The following CTNNBL1 variants were observed in gnomAD, a reference collection of about 807,000 sequenced individuals.
CTNNBL1 encodes beta-catenin-like protein 1.
CTNNBL1 carries 31 observed loss-of-function variants against 72.7 expected under a neutral mutation model. The ratio of observed to expected loss-of-function variants is 0.43; its 90% CI spans 0.32 to 0.58. The LOEUF (loss-of-function observed/expected upper bound fraction) is 0.58. CTNNBL1 is among the 20% of genes least tolerant of loss of function. CTNNBL1 has a pLI of 0.08. For missense variants in CTNNBL1, 534 were observed against 725.1 expected (o/e 0.74, Z 3.03); for synonymous variants, 240 against 267.3 (o/e 0.90, Z 1.00).
intron 3 of CTNNBL1, among the ~76,000 whole-genome samples, chr20:37,746,035 G>T (rs1385781453): frequency 6.6e-6 from 1 of 152,162 alleles, no homozygotes; most frequent in Non-Finnish European, 1.5e-5. Flanking sequence ...TATCTTCTTT[G>T]GTAAGGGGAA....
intron 11 of CTNNBL1, among the ~76,000 whole-genome samples, chr20:37,821,652 C>G (rs1271377554): frequency 6.6e-6 from 1 of 152,176 alleles, no homozygotes; most frequent in Non-Finnish European, 1.5e-5. Flanking sequence ...AGGCATTTTC[C>G]TAGCTGGAAT....
chr20:37,753,049 T>C (rs546918526), intron 4 of CTNNBL1, among the ~76,000 whole-genome samples: 10 of 152,240 alleles, frequency 6.6e-5, no homozygotes, highest in Non-Finnish European at 1.3e-4. Context: ...CTCATCAAGA[T>C]TGAGAGTTTG....
rs750066223 is a variant in CTNNBL1 at position 37,860,349 on chromosome 20, G to A, written c.1603+5G>A. ...TTGTCAGGCATATCATCAAGGGTGA[G>A]TTGGATGCTACTCATGTCTGGGGCT... On this transcript the variant is annotated splice_donor_5th_base_variant and intron_variant, in intron 15 of 15. Coordinates refer to ENST00000361383, the MANE Select transcript of CTNNBL1 (RefSeq NM_030877.5). 8 of 1,607,826 alleles carry A rather than the reference G, an allele frequency of 5.0e-6. No individual in the cohort carries two copies. Among genetic ancestry groups the A allele is most frequent in the Non-Finnish European group, 6.8e-6 (8 of 1,174,212 alleles).
chr20:37,773,278 C>T, intron 7 of CTNNBL1, among the ~76,000 whole-genome samples: 1 of 152,292 alleles, frequency 6.6e-6, no homozygotes, highest in African/African-American at 2.4e-5. Flanking sequence ...GAACCTGCCC[C>T]ATGTGTTCCA....
At chr20:37,748,523 G>A (rs1022104396) in intron 4 of CTNNBL1, among the ~76,000 whole-genome samples, 3 of 152,218 alleles carry the variant, frequency 2.0e-5, no homozygotes, top group African/African-American at 7.2e-5. Flanking sequence ...GGAACCATAA[G>A]CTGTGCTGGT....
In CTNNBL1 at chr20:37,694,094, G is replaced by C. The variant is rs1207867575; in HGVS notation, c.-29G>C. ...CCCGCGGTCTGGGCGTGAGTGCAGG[G>C]AAGTGGAGTATTTGCTGGGCCGGGT... On this transcript the variant is annotated 5_prime_UTR_variant, in exon 1 of 16. Transcript: ENST00000361383. The C allele has an allele frequency of 6.2e-7, 1 of 1,603,506 alleles. No individual in the cohort carries two copies. The highest frequency in any genetic ancestry group is 1.3e-5 in the African/African-American group (1 of 74,252).
chr20:37,761,885 C>T (rs1271796384), intron 5 of CTNNBL1, among the ~76,000 whole-genome samples: 1 of 152,204 alleles, frequency 6.6e-6, no homozygotes, highest in Non-Finnish European at 1.5e-5. Flanking sequence ...TAAGGCAAGA[C>T]TGAGGTTGAC....
intron 1 of CTNNBL1, among the ~76,000 whole-genome samples, chr20:37,707,349 C>T (rs544103240): frequency 1.3e-3 from 199 of 152,328 alleles, no homozygotes; most frequent in African/African-American, 4.5e-3. Context: ...GTGTAGCCAC[C>T]TTCATCAATG....
intron 13 of CTNNBL1, among the ~76,000 whole-genome samples, chr20:37,846,328 C>G (rs8125986): frequency 0.027 from 4,172 of 152,164 alleles, 209 homozygotes; most frequent in African/African-American, 0.096. Context: ...AGGGTACCTT[C>G]CACGAGTGGA....
At position 37,871,826 on chromosome 20, in the gene CTNNBL1, C is replaced by T; in HGVS notation, c.1604-99C>T. On this transcript the variant is annotated intron_variant, in intron 15 of 15. Transcript: ENST00000361383. ...GTGGGGGCATTAGGGCGACTTGCACCTCTGTGGGAGCTGGGGTTCTGGGAA... is the reference window on the plus strand; with the variant it reads ...GTGGGGGCATTAGGGCGACTTGCACTTCTGTGGGAGCTGGGGTTCTGGGAA... 5.6e-6 allele frequency: 6 copies of T among 1,071,152 alleles called. No homozygotes were observed. The South Asian group carries it at 7.8e-5, about 14-fold the overall frequency. 66.4% of individuals were successfully genotyped at this position (1,071,152 alleles called of 1,614,324 possible). A position where few individuals can be genotyped will look rare whatever the true frequency, so the allele number is the denominator to read the frequency against.
chr20:37,835,835 G>A (rs991074656), intron 11 of CTNNBL1, among the ~76,000 whole-genome samples: 1 of 152,190 alleles, frequency 6.6e-6, no homozygotes, highest in Non-Finnish European at 1.5e-5. Context: ...TTTAAAAAAT[G>A]AAGTGTGGGT....
chr20:37,849,860 A>T (rs2072380371), intron 13 of CTNNBL1, among the ~76,000 whole-genome samples: 1 of 152,254 alleles, frequency 6.6e-6, no homozygotes, highest in Non-Finnish European at 1.5e-5. Context: ...CAGTTTCTTC[A>T]TCAGTGAAAG....
intron 13 of CTNNBL1, among the ~76,000 whole-genome samples, chr20:37,852,315 C>T (rs1240284363): frequency 6.6e-6 from 1 of 152,186 alleles, no homozygotes; most frequent in African/African-American, 2.4e-5. Context: ...ATCATATTCC[C>T]ATTTGAAGCG....
intron 1 of CTNNBL1, among the ~76,000 whole-genome samples, chr20:37,726,837 A>T (rs540877240): frequency 1.3e-5 from 2 of 152,282 alleles, no homozygotes; most frequent in Admixed American, 1.3e-4. Flanking sequence ...ACACTTTTAT[A>T]TTCTGATACA....
intron 5 of CTNNBL1, among the ~76,000 whole-genome samples, chr20:37,761,059 G>T (rs1179420828): frequency 6.6e-6 from 1 of 152,032 alleles, no homozygotes; most frequent in African/African-American, 2.4e-5. Context: ...TATGAGAGGG[G>T]CAGTGTTCTG....
At chr20:37,694,720 CAGG>C (rs1333744545) in intron 1 of CTNNBL1, among the ~76,000 whole-genome samples, 4 of 152,194 alleles carry the variant, frequency 2.6e-5, no homozygotes, top group African/African-American at 7.2e-5. Flanking sequence ...CTGCGATTTG[CAGG>C]AGATGTTGGG....
At chr20:37,780,557 G>A (rs2073617257) in intron 10 of CTNNBL1, among the ~76,000 whole-genome samples, 1 of 152,112 alleles carries the variant, frequency 6.6e-6, no homozygotes, top group African/African-American at 2.4e-5. Context: ...TTCCCATGCT[G>A]TGAATAATCT....
intron 1 of CTNNBL1, among the ~76,000 whole-genome samples, chr20:37,731,481 C>T (rs1161334221): frequency 4.6e-5 from 7 of 152,158 alleles, no homozygotes; most frequent in East Asian, 3.9e-4. Context: ...GTGATCTGCC[C>T]GCCTCAGCCT....
intron 3 of CTNNBL1, 151 bp downstream of exon 3, chr20:37,737,635 G>T (rs1002404514): frequency 1.5e-5 from 9 of 594,062 alleles, no homozygotes; most frequent in Non-Finnish European, 2.7e-5. Context: ...GGACTCCCAG[G>T]ACTCAAAGTC....
Sources: allele counts gnomAD v4.1 joint callset (sites outside exome capture counted in the v4.1 genomes callset), GRCh38; gene constraint gnomAD v4.1.1; transcripts MANE v1.5; gene names NCBI Gene and HGNC (gene_info 2026-07-23, HGNC 2026-07-21).